Variants in NMNAT1 observed in about 807,000 individuals in gnomAD.
NMNAT1 encodes nicotinamide nucleotide adenylyltransferase 1.
A neutral mutation model predicts 16.7 loss-of-function variants in NMNAT1; 11 were observed. That is an observed-to-expected ratio of 0.66 (90% CI 0.41 to 1.09). NMNAT1 has a LOEUF of 1.09. NMNAT1 is among the 50% of genes least tolerant of loss of function. The pLI is 0.00. For synonymous variants in NMNAT1, 110 were observed against 119.8 expected (o/e 0.92, Z 0.53); for missense variants, 280 against 332.3 (o/e 0.84, Z 1.22).
the NMNAT1 span, among the ~76,000 whole-genome samples, chr1:9,995,102 CAT>C: frequency 2.7e-5 from 4 of 149,686 alleles, no homozygotes; most frequent in Admixed American, 2.0e-4. Context: ...CATAAATTGA[CAT>C]ATAAATCTTG....
chr1:9,978,580 G>T (rs1160186113), intron 3 of NMNAT1, among the ~76,000 whole-genome samples: 2 of 152,168 alleles, frequency 1.3e-5, no homozygotes, highest in Admixed American at 1.3e-4. Flanking sequence ...TTTCAGACTT[G>T]GCAGGGAGAA....
chr1:9,968,366 C>T (rs1416322059), intron 1 of NMNAT1, among the ~76,000 whole-genome samples: 2 of 151,348 alleles, frequency 1.3e-5, no homozygotes, highest in African/African-American at 4.8e-5. Flanking sequence ...GCCGCCGCGC[C>T]TGGCCTGCCA....
chr1:9,974,564 A>G (rs1641764271), intron 2 of NMNAT1, among the ~76,000 whole-genome samples: 1 of 151,468 alleles, frequency 6.6e-6, no homozygotes, highest in Non-Finnish European at 1.5e-5. Flanking sequence ...AATTTTTTGT[A>G]TTTTTAGTAG....
chr1:9,958,636 C>T (rs953925915), intron 1 of NMNAT1, among the ~76,000 whole-genome samples: 1 of 151,982 alleles, frequency 6.6e-6, no homozygotes, highest in African/African-American at 2.4e-5. Flanking sequence ...GATGGGGTTT[C>T]ACCATGCTGA....
chr1:9,994,061 G>A, the NMNAT1 span, among the ~76,000 whole-genome samples: 1 of 145,002 alleles, frequency 6.9e-6, no homozygotes, highest in South Asian at 2.2e-4. Flanking sequence ...GTAGGATTTT[G>A]CAACAAATAA....
chr1:9,987,655 A>AT (rs1553128565), downstream of NMNAT1, among the ~76,000 whole-genome samples: 30 of 151,696 alleles, frequency 2.0e-4, no homozygotes, highest in African/African-American at 4.8e-4. Flanking sequence ...AAATAAATAA[A>AT]TAAATTAAAT....
rs560961648 is a variant in NMNAT1, at chr1:9,957,234, G to A, written c.-57+13719G>A. Among the ~76,000 whole-genome samples, 3 of 152,200 alleles carry A rather than the reference G, an allele frequency of 2.0e-5. No homozygotes were observed. In the South Asian group the frequency reaches 6.2e-4, roughly 32 times the overall value. On this transcript the variant is annotated intron_variant, in intron 1 of 4. Transcript: ENST00000377205. ...AGTACAGACAGGGTTTCTCCATGTT[G>A]GTCAGGCTGGTCTCACACTCCCAAC...
At chr1:9,994,723 T>C in the NMNAT1 span, among the ~76,000 whole-genome samples, 5 of 151,926 alleles carry the variant, frequency 3.3e-5, no homozygotes, top group Admixed American at 6.6e-5. Flanking sequence ...CGCATTCTCC[T>C]GCCTCAGCCT....
At chr1:9,945,940 GA>G (rs1640969776) in intron 1 of NMNAT1, among the ~76,000 whole-genome samples, 1 of 152,076 alleles carries the variant, frequency 6.6e-6, no homozygotes, top group South Asian at 2.1e-4. Flanking sequence ...TTTTTGTAGA[GA>G]TGAGGTTTTG....
chr1:9,968,802 G>A (rs1641622590), intron 1 of NMNAT1, among the ~76,000 whole-genome samples: 2 of 146,800 alleles, frequency 1.4e-5, no homozygotes, highest in Non-Finnish European at 3.0e-5. Context: ...AGCCAGGTGT[G>A]GTGGCACGTG....
chr1:9,961,214 A>C (rs1220974591), intron 1 of NMNAT1, among the ~76,000 whole-genome samples: 1 of 152,124 alleles, frequency 6.6e-6, no homozygotes, highest in Non-Finnish European at 1.5e-5. Context: ...GCTTATCCCC[A>C]AGTGTAGGGC....
chr1:9,990,857 T>A, the NMNAT1 span, among the ~76,000 whole-genome samples: 1 of 152,128 alleles, frequency 6.6e-6, no homozygotes, highest in African/African-American at 2.4e-5. Context: ...AAGAAAGGGC[T>A]CAAATTTGAC....
In NMNAT1 at chr1:9,972,176, A is replaced by G. The variant is rs1054756134; in HGVS notation, c.103A>G (p.Met35Val). 4 of 1,599,448 alleles carry G rather than the reference A, an allele frequency of 2.5e-6. No homozygotes were observed. Among genetic ancestry groups the G allele is most frequent in the African/African-American group, 2.7e-5 (2 of 74,558 alleles). ...LRLFELAKDY[M>V]NGTGRYTVVK... ...GTTGTTTGAGCTGGCCAAGGACTAC[A>G]TGAATGGAACAGGTAGGAGCAGTAA... Residue 35 changes from methionine (M) to valine (V), a missense_variant, in exon 2 of 5, where the codon ATG becomes GTG. Met to Val is a conservative substitution (Grantham distance 21). Transcript: ENST00000377205.
chr1:9,943,131 C>G (rs1460229242), upstream of NMNAT1: 1 of 176,046 alleles, frequency 5.7e-6, no homozygotes, highest in South Asian at 1.1e-4. Flanking sequence ...AAATCCCACC[C>G]CACGCGGGAA....
downstream of NMNAT1, among the ~76,000 whole-genome samples, chr1:9,987,766 C>T (rs1570721275): frequency 1.3e-5 from 2 of 151,854 alleles, no homozygotes; most frequent in South Asian, 2.1e-4. Context: ...GATCTGGAGG[C>T]GTAGTGAGCT....
intron 1 of NMNAT1, among the ~76,000 whole-genome samples, chr1:9,959,957 G>A (rs1641365004): frequency 6.6e-6 from 1 of 152,164 alleles, no homozygotes; most frequent in Admixed American, 6.6e-5. Context: ...TAAAGTTATT[G>A]TTTTGAAAGG....
chr1:9,948,967 T>C (rs1641042509), intron 1 of NMNAT1, among the ~76,000 whole-genome samples: 1 of 150,820 alleles, frequency 6.6e-6, no homozygotes, highest in Non-Finnish European at 1.5e-5. Context: ...AAATATACAC[T>C]GAAGTAAAAA....
At chr1:9,996,037 C>T in the NMNAT1 span, among the ~76,000 whole-genome samples, 8 of 146,222 alleles carry the variant, frequency 5.5e-5, no homozygotes, top group African/African-American at 2.0e-4. Flanking sequence ...CTCTGCCGGG[C>T]GCAGTGGCTC....
At chr1:9,950,151 C>T (rs1370261086) in intron 1 of NMNAT1, among the ~76,000 whole-genome samples, 1 of 152,020 alleles carries the variant, frequency 6.6e-6, no homozygotes, top group South Asian at 2.1e-4. Context: ...AGGGCAGTGA[C>T]GCAATCTCGG....
Sources: gnomAD v4.1 joint callset for allele counts (sites outside exome capture counted in the v4.1 genomes callset) on GRCh38, gnomAD v4.1.1 for gene constraint, MANE v1.5 for transcripts, NCBI Gene and HGNC (gene_info 2026-07-23, HGNC 2026-07-21) for gene names.